MAPRE1: variants seen among roughly 807,000 people sequenced by gnomAD.
The protein encoded by MAPRE1 is microtubule-associated protein RP/EB family member 1.
MAPRE1 carries 5 observed loss-of-function variants against 32.1 expected under a neutral mutation model. The ratio of observed to expected loss-of-function variants is 0.16; its 90% confidence interval spans 0.08 to 0.33. The LOEUF is 0.33. Ranked by LOEUF, MAPRE1 falls within the 10% of genes least tolerant of loss-of-function variation. The pLI is 1.00. For missense variants in MAPRE1, 209 were observed against 327.2 expected (o/e 0.64, Z 2.79); for synonymous variants, 122 against 118.9 (o/e 1.03, Z -0.17).
At chr20:32,844,992 T>TATGC (rs1210844454) in intron 5 of MAPRE1, among the ~76,000 whole-genome samples, 1 of 7,284 alleles carries the variant, frequency 1.4e-4, no homozygotes, top group Non-Finnish European at 3.3e-4. Context: ...AGCTGTACTG[T>TATGC]ATGTATGTAT....
At chr20:32,834,048 T>C (rs916521603) in intron 3 of MAPRE1, among the ~76,000 whole-genome samples, 186 bp downstream of exon 3, 1 of 152,212 alleles carries the variant, frequency 6.6e-6, no homozygotes, top group African/African-American at 2.4e-5. Flanking sequence ...TTCCCCTTGC[T>C]TGTTTCTTTC....
intron 2 of MAPRE1, among the ~76,000 whole-genome samples, chr20:32,830,891 T>C (rs1339366850): frequency 2.0e-5 from 3 of 151,970 alleles, no homozygotes; most frequent in African/African-American, 7.2e-5. Context: ...ACCCGGCTAA[T>C]TTTTTTGTAT....
intron 5 of MAPRE1, among the ~76,000 whole-genome samples, chr20:32,845,538 T>C (rs1028072367): frequency 6.6e-6 from 1 of 152,210 alleles, no homozygotes; most frequent in Admixed American, 6.5e-5. Context: ...CTGCAGGTTA[T>C]AAAGAGGGTC....
chr20:32,847,571 A>G (rs1983537210), intron 6 of MAPRE1, among the ~76,000 whole-genome samples: 1 of 152,250 alleles, frequency 6.6e-6, no homozygotes. Context: ...TGAAAAGTTG[A>G]TAATCTGTTG....
At chr20:32,846,999 A>C (rs1417024610) in intron 6 of MAPRE1, among the ~76,000 whole-genome samples, 3 of 152,196 alleles carry the variant, frequency 2.0e-5, no homozygotes, top group African/African-American at 7.2e-5. Context: ...CAGCATCTGT[A>C]GTATGTGGCC....
rs201390649 is a variant in MAPRE1, at chr20:32,848,712, A to C, written c.791A>C (p.Glu264Ala). The change falls in exon 7 of 7, where the codon GAG becomes GCG. Residue 264 changes from glutamate to alanine, a missense_variant. Coordinates refer to ENST00000375571, the MANE Select transcript of MAPRE1 (RefSeq NM_012325.3). ...VIPDEGGPQE[E>A]QEEY ...CCTGATGAAGGGGGCCCACAGGAGGAGCAAGAAGAGTATTAACAGCCTGGA... is the reference window on the plus strand; with the variant it reads ...CCTGATGAAGGGGGCCCACAGGAGGCGCAAGAAGAGTATTAACAGCCTGGA... 6.5e-5 allele frequency: 105 copies of C among 1,612,646 alleles called. No homozygotes were observed. The highest frequency in any genetic ancestry group is 8.0e-5 in the African/African-American group (6 of 74,880).
chr20:32,828,082 G>C (rs1054982770), intron 2 of MAPRE1, among the ~76,000 whole-genome samples: 2 of 152,026 alleles, frequency 1.3e-5, no homozygotes, highest in African/African-American at 4.8e-5. Context: ...TGGAGGCTAC[G>C]TGTGAAGCTG....
intron 6 of MAPRE1, among the ~76,000 whole-genome samples, chr20:32,848,193 T>C (rs1430701502): frequency 6.6e-6 from 1 of 151,720 alleles, no homozygotes; most frequent in Non-Finnish European, 1.5e-5. Context: ...ACTACAGGCA[T>C]GTCCCACCAG....
At chr20:32,848,568 C>A in intron 6 of MAPRE1, 104 bp from the exon 7 acceptor site, 1 of 810,074 alleles carries the variant, frequency 1.2e-6, no homozygotes, top group Non-Finnish European at 2.0e-6. Flanking sequence ...CTGTATAGAG[C>A]CAGGAAGAAC....
chr20:32,845,663 T>C (rs980251881), intron 5 of MAPRE1, among the ~76,000 whole-genome samples: 3 of 152,168 alleles, frequency 2.0e-5, no homozygotes, highest in African/African-American at 7.2e-5. Flanking sequence ...ATTTATTTTT[T>C]AAAAAGATGG....
Position 32,848,961 on chromosome 20 carries a change from A to T in MAPRE1, c.*233A>T, listed in dbSNP as rs1490307677. On this transcript the variant is annotated 3_prime_UTR_variant, in exon 7 of 7. Transcript: ENST00000375571. ...TAACACCTAGTTGGTTCACCTGGAA[A>T]ACAGAGAGGCTGACCGTGGGGCTCA... The T allele has an allele frequency of 5.5e-6, 2 of 364,744 alleles. No homozygotes were observed. Among genetic ancestry groups the T allele is most frequent in the East Asian group, 9.0e-5 (2 of 22,210 alleles). The allele number at this position is 364,744 out of a possible 1,614,324, so 22.6% of individuals were successfully genotyped here.
At chr20:32,820,315 A>G (rs1046350796) in intron 1 of MAPRE1, among the ~76,000 whole-genome samples, 20 of 152,086 alleles carry the variant, frequency 1.3e-4, no homozygotes, top group Admixed American at 3.9e-4. Context: ...CCTGCGCTGC[A>G]GCGACTGGAG....
intron 2 of MAPRE1, among the ~76,000 whole-genome samples, chr20:32,829,172 A>G (rs968785150): frequency 3.3e-5 from 5 of 152,138 alleles, no homozygotes; most frequent in African/African-American, 7.2e-5. Context: ...TCGGCCTCCC[A>G]AAGTGCTAGG....
intron 3 of MAPRE1, among the ~76,000 whole-genome samples, chr20:32,834,342 C>T (rs935014125): frequency 1.3e-5 from 2 of 152,136 alleles, no homozygotes; most frequent in Admixed American, 6.6e-5. Context: ...AAGGAGGCTC[C>T]GTGGTGGGTG....
chr20:32,836,975 A>G (rs1983220572), intron 4 of MAPRE1, 134 bp downstream of exon 4: 1 of 832,048 alleles, frequency 1.2e-6, no homozygotes, highest in South Asian at 1.9e-5. Flanking sequence ...TGGCCAGAGT[A>G]TGGATTTTGG....
At position 32,820,021 on chromosome 20, in the gene MAPRE1, G is replaced by C. The variant is rs2146116946; in HGVS notation, c.-11G>C. 1 of 152,296 alleles carries C rather than the reference G, an allele frequency of 6.6e-6. No homozygotes were observed. The highest frequency in any genetic ancestry group is 2.1e-4 in the South Asian group (1 of 4,846). 9.4% of individuals were successfully genotyped at this position (152,296 alleles called of 1,614,324 possible). A position where few individuals can be genotyped will look rare whatever the true frequency, so the allele number is the denominator to read the frequency against. ...TGCGGGCAGTGGACGCGGTTCTGCCGAGAGCCGGTGAGCCGGCTAGCGGGC... is the reference window on the plus strand; with the variant it reads ...TGCGGGCAGTGGACGCGGTTCTGCCCAGAGCCGGTGAGCCGGCTAGCGGGC... On this transcript the variant is annotated 5_prime_UTR_variant, in exon 1 of 7. Coordinates refer to ENST00000375571, the MANE Select transcript of MAPRE1 (RefSeq NM_012325.3).
chr20:32,849,175 C>T lies in MAPRE1; in HGVS notation c.*447C>T, dbSNP rs1983584008. ...CCACATTTCAAAATATAAAATGTAA[C>T]ATGACAAGAGATTTTGCGTTTGACA... On this transcript the variant is annotated 3_prime_UTR_variant, in exon 7 of 7. Coordinates refer to ENST00000375571, the MANE Select transcript of MAPRE1 (RefSeq NM_012325.3). 6.5e-6 allele frequency: 1 copy of T among 153,452 alleles called. No homozygotes were observed. The allele number at this position is 153,452 out of a possible 1,614,324, so 9.5% of individuals were successfully genotyped here. A position where few individuals can be genotyped will look rare whatever the true frequency, so the allele number is the denominator to read the frequency against.
chr20:32,845,937 A>G (rs1477192561), intron 5 of MAPRE1, among the ~76,000 whole-genome samples: 1 of 152,162 alleles, frequency 6.6e-6, no homozygotes, highest in African/African-American at 2.4e-5. Context: ...CCTGACCTGT[A>G]AATACAGGTT....
chr20:32,820,468 G>A (rs1475008127), intron 1 of MAPRE1, among the ~76,000 whole-genome samples: 1 of 152,124 alleles, frequency 6.6e-6, no homozygotes, highest in Admixed American at 6.5e-5. Context: ...GTTCCGTGCG[G>A]TGTGACCTTG....
Sources: allele counts gnomAD v4.1 joint callset (sites outside exome capture counted in the v4.1 genomes callset), GRCh38; gene constraint gnomAD v4.1.1; transcripts MANE v1.5; gene names NCBI Gene and HGNC (gene_info 2026-07-23, HGNC 2026-07-21).